The following MARCHF1 variants were observed in gnomAD, a reference collection of about 807,000 sequenced individuals.
The protein encoded by MARCHF1 is membrane associated ring-CH-type finger 1.
Under a neutral mutation model 54.2 loss-of-function variants are expected in MARCHF1, and 40 were observed. The ratio of observed to expected loss-of-function variants is 0.74; its 90% confidence interval spans 0.57 to 0.96. MARCHF1 has a LOEUF of 0.96. MARCHF1 is among the 40% of genes least tolerant of loss of function. The pLI, the probability that MARCHF1 is intolerant of heterozygous loss-of-function variation, is 0.00. For synonymous variants in MARCHF1, 236 were observed against 236.3 expected, an observed-to-expected ratio of 1.00 and a Z score of 0.01; for missense variants, 586 against 656.5, an observed-to-expected ratio of 0.89 and a Z score of 1.17.
At chr4:163,874,292 T>C (rs1055094513) in intron 3 of MARCHF1, among the ~76,000 whole-genome samples, 1 of 152,184 alleles carries the variant, frequency 6.6e-6, no homozygotes, top group Non-Finnish European at 1.5e-5. Flanking sequence ...GTTTAAGGTC[T>C]GTGATAATTT....
At chr4:164,235,075 T>TC (rs1427547262) in intron 1 of MARCHF1, among the ~76,000 whole-genome samples, 4 of 152,142 alleles carry the variant, frequency 2.6e-5, no homozygotes, top group Non-Finnish European at 4.4e-5. Context: ...TCACACTCAT[T>TC]AAAGAAGGGT....
At chr4:164,009,962 A>C (rs1405110169) in intron 2 of MARCHF1, among the ~76,000 whole-genome samples, 2 of 152,108 alleles carry the variant, frequency 1.3e-5, no homozygotes, top group Non-Finnish European at 2.9e-5. Context: ...CAAGAGAAAA[A>C]GATAATGAAC....
intron 5 of MARCHF1, among the ~76,000 whole-genome samples, chr4:163,627,571 C>T (rs999771630): frequency 4.6e-5 from 7 of 151,912 alleles, no homozygotes; most frequent in African/African-American, 1.2e-4. Flanking sequence ...GTTGGGCCTT[C>T]GATGTCAGGT....
At chr4:163,727,990 T>A (rs770565311) in intron 4 of MARCHF1, among the ~76,000 whole-genome samples, 5 of 152,216 alleles carry the variant, frequency 3.3e-5, no homozygotes, top group Non-Finnish European at 7.3e-5. Flanking sequence ...CTTTGTTCCA[T>A]TTATTCCCTT....
chr4:164,102,409 G>T (rs878991069), intron 2 of MARCHF1, among the ~76,000 whole-genome samples: 2 of 98,778 alleles, frequency 2.0e-5, no homozygotes, highest in Non-Finnish European at 4.7e-5. Context: ...GACTAACAGC[G>T]GATCTCTCGG....
At chr4:164,016,673 G>A (rs578208686) in intron 2 of MARCHF1, among the ~76,000 whole-genome samples, 1 of 152,172 alleles carries the variant, frequency 6.6e-6, no homozygotes, top group African/African-American at 2.4e-5. Context: ...CTGTGGAGGG[G>A]AGAATAAAGA....
At chr4:164,259,566 GAAAAAAGA>G (rs1733401905) in intron 1 of MARCHF1, among the ~76,000 whole-genome samples, 1 of 103,066 alleles carries the variant, frequency 9.7e-6, no homozygotes, top group Non-Finnish European at 2.1e-5. Flanking sequence ...AAAAAAAAAA[GAAAAAAGA>G]AAAAGAAAAA....
rs554913426 is a variant in MARCHF1, at chr4:164,320,981, GGAGT to G, written c.-323+62885_-323+62888del. Among the ~76,000 whole-genome samples the G allele has an allele frequency of 1.1e-3, 174 of 152,282 alleles. 1 individual carries two copies. Among genetic ancestry groups the G allele is most frequent in the Non-Finnish European group, 2.0e-3 (135 of 68,026 alleles). The stretch of plus-strand genomic sequence containing the variant: ...TATACAGCTTTTCTCAGTTACAGAT[GGAGT>G]GAGAGCCTGGGACAAGCATCAAAGA... On this transcript the variant is annotated intron_variant, in intron 1 of 9. Coordinates refer to ENST00000514618, the MANE Select transcript of MARCHF1 (RefSeq NM_001394959.1).
intron 1 of MARCHF1, among the ~76,000 whole-genome samples, chr4:164,157,143 C>T (rs1180488307): frequency 1.3e-5 from 2 of 151,572 alleles, no homozygotes; most frequent in African/African-American, 2.4e-5. Context: ...ATCTTAAGAA[C>T]TATAATTTAT....
chr4:163,530,040 C>CTT (rs1391451575), intron 9 of MARCHF1: 1 of 151,912 alleles, frequency 6.6e-6, no homozygotes, highest in Non-Finnish European at 1.5e-5. Flanking sequence ...TATGATTTGA[C>CTT]TTTGGATTTT....
At chr4:163,927,778 T>G (rs570376099) in intron 3 of MARCHF1, among the ~76,000 whole-genome samples, 240 of 151,934 alleles carry the variant, frequency 1.6e-3, no homozygotes, top group African/African-American at 5.6e-3. Context: ...ATCCATTTTA[T>G]ACAAATTCTA....
chr4:163,568,625 G>A (rs749256306), intron 8 of MARCHF1, among the ~76,000 whole-genome samples: 5 of 152,102 alleles, frequency 3.3e-5, no homozygotes, highest in Non-Finnish European at 7.4e-5. Context: ...TTTGGAGCAC[G>A]CACCTTCTTC....
chr4:163,556,140 T>G (rs2110958563), intron 8 of MARCHF1, among the ~76,000 whole-genome samples: 1 of 152,154 alleles, frequency 6.6e-6, no homozygotes, highest in Middle Eastern at 3.4e-3. Flanking sequence ...AGCATCACAA[T>G]GTATCGGACA....
At chr4:163,992,681 G>A (rs1752990394) in intron 2 of MARCHF1, among the ~76,000 whole-genome samples, 1 of 150,226 alleles carries the variant, frequency 6.7e-6, no homozygotes. Context: ...GAGAGAGGAA[G>A]GAAACCAGAC....
chr4:163,741,077 T>C lies in MARCHF1; in HGVS notation c.112-40214A>G, dbSNP rs548811574. On this transcript the variant is annotated intron_variant, in intron 4 of 9. Coordinates refer to ENST00000514618, the MANE Select transcript of MARCHF1 (RefSeq NM_001394959.1). ...TGTAGCACACAGTGAAATGTAAAAA[T>C]ACATAGCTTTTGGGGTCAGAAAACT... 9.8e-5 allele frequency among the ~76,000 whole-genome samples: 15 copies of C among 152,308 alleles called. No homozygotes were observed. In the East Asian group the frequency reaches 1.9e-3, roughly 20 times the overall value.
At chr4:163,838,142 T>C (rs1321264992) in intron 4 of MARCHF1, among the ~76,000 whole-genome samples, 1 of 152,106 alleles carries the variant, frequency 6.6e-6, no homozygotes, top group African/African-American at 2.4e-5. Context: ...AATGCACATA[T>C]AGTCATCCCC....
chr4:163,645,297 T>C (rs1290556799), intron 5 of MARCHF1, among the ~76,000 whole-genome samples: 1 of 152,178 alleles, frequency 6.6e-6, no homozygotes, highest in Non-Finnish European at 1.5e-5. Context: ...GTAGCAGCCA[T>C]GTGACCTGAC....
chr4:164,007,020 A>AAAAAAG (rs1753304685), intron 2 of MARCHF1, among the ~76,000 whole-genome samples: 1 of 134,000 alleles, frequency 7.5e-6, no homozygotes, highest in African/African-American at 2.8e-5. Context: ...AAAAAAAAAA[A>AAAAAAG]AAAAAAAAAA....
At chr4:164,142,000 C>A (rs954062146) in intron 1 of MARCHF1, among the ~76,000 whole-genome samples, 14 of 151,274 alleles carry the variant, frequency 9.3e-5, no homozygotes, top group Non-Finnish European at 1.3e-4. Flanking sequence ...GAGGCATTGC[C>A]TCACTCAGGA....
Sources: allele counts gnomAD v4.1 joint callset (sites outside exome capture counted in the v4.1 genomes callset), GRCh38; gene constraint gnomAD v4.1.1; transcripts MANE v1.5; gene names NCBI Gene and HGNC (gene_info 2026-07-23, HGNC 2026-07-21).